SUPT3H: variants seen among roughly 807,000 people sequenced by gnomAD.
SUPT3H encodes SPT3 homolog, SAGA and STAGA complex component.
A neutral mutation model predicts 44.3 loss-of-function variants in SUPT3H; 44 were observed. That is an observed-to-expected ratio of 0.99 (90% CI 0.78 to 1.28). SUPT3H has a LOEUF of 1.28. Ranked by LOEUF, SUPT3H falls within the 50% of genes most tolerant of loss-of-function variation. SUPT3H has a pLI of 0.00. For synonymous variants in SUPT3H, 124 were observed against 125.6 expected (o/e 0.99, Z 0.09); for missense variants, 380 against 387.1 (o/e 0.98, Z 0.15).
At position 45,154,963 on chromosome 6, in the gene SUPT3H, C is replaced by T. The variant is rs557121558; in HGVS notation, c.102-48957G>A. ...ATATGGACAGTCAGTACATGACTTC[C>T]GTGGAGAAGGTAGTGTTTGATCTGC... On this transcript the variant is annotated intron_variant, in intron 2 of 10. Coordinates refer to ENST00000371459, the MANE Select transcript of SUPT3H (RefSeq NM_003599.4). Among the ~76,000 whole-genome samples the T allele has an allele frequency of 5.7e-4, 86 of 152,028 alleles. 3 individuals carry two copies. The highest frequency in any genetic ancestry group is 3.4e-3 in the Middle Eastern group (1 of 292).
chr6:45,369,301 T>C lies in SUPT3H; in HGVS notation c.1-4000A>G, dbSNP rs1411989799. Among the ~76,000 whole-genome samples, 3 of 152,094 alleles carry C rather than the reference T, an allele frequency of 2.0e-5. No individual in the cohort carries two copies. In the East Asian group the frequency reaches 5.8e-4, roughly 29 times the overall value. ...CAATACCTTTTGAAACAATACAGTA[T>C]CTCTCAACCTACCCAAACTCTACTG... On this transcript the variant is annotated intron_variant, in intron 1 of 10. Transcript: ENST00000371459.
At chr6:45,017,842 T>G (rs1295027304) in intron 4 of SUPT3H, among the ~76,000 whole-genome samples, 1 of 141,600 alleles carries the variant, frequency 7.1e-6, no homozygotes, top group Admixed American at 7.0e-5. Flanking sequence ...CTGTTTTGGT[T>G]CCATATGAAC....
chr6:44,987,632 C>A (rs1780001038), intron 6 of SUPT3H, among the ~76,000 whole-genome samples: 1 of 152,020 alleles, frequency 6.6e-6, no homozygotes, highest in Non-Finnish European at 1.5e-5. Flanking sequence ...GGAAATGTAA[C>A]CTCTTTTGAG....
At chr6:44,957,021 G>T (rs536365567) in intron 7 of SUPT3H, among the ~76,000 whole-genome samples, 1 of 152,258 alleles carries the variant, frequency 6.6e-6, no homozygotes, top group African/African-American at 2.4e-5. Flanking sequence ...GTGCTAAGCA[G>T]TCTAATTTGA....
intron 10 of SUPT3H, among the ~76,000 whole-genome samples, chr6:44,931,886 T>C (rs1582578959): frequency 1.3e-5 from 2 of 152,012 alleles, no homozygotes; most frequent in Non-Finnish European, 2.9e-5. Context: ...TTATGTATAA[T>C]GTTATACATA....
At chr6:45,228,175 A>G (rs1767278841) in intron 2 of SUPT3H, among the ~76,000 whole-genome samples, 1 of 152,170 alleles carries the variant, frequency 6.6e-6, no homozygotes, top group African/African-American at 2.4e-5. Context: ...ACAATGTTCA[A>G]TTTTATGTGT....
intron 4 of SUPT3H, among the ~76,000 whole-genome samples, chr6:45,016,542 G>A (rs1379752648): frequency 7.8e-6 from 1 of 127,980 alleles, no homozygotes; most frequent in Non-Finnish European, 1.6e-5. Flanking sequence ...CCCTTACTGT[G>A]TCCATGTGTT....
At chr6:44,885,706 C>A (rs1762146309) in intron 10 of SUPT3H, among the ~76,000 whole-genome samples, 1 of 152,156 alleles carries the variant, frequency 6.6e-6, no homozygotes, top group Non-Finnish European at 1.5e-5. Flanking sequence ...AAAAGCAGAG[C>A]ACCTCTCCTC....
intron 10 of SUPT3H, among the ~76,000 whole-genome samples, chr6:44,906,237 C>T (rs1412041730): frequency 7.2e-5 from 11 of 151,902 alleles, no homozygotes; most frequent in Admixed American, 1.3e-4. Context: ...GCTTTTTACT[C>T]GAGTGTTAAT....
rs368261053 is a variant in SUPT3H at position 45,281,566 on chromosome 6, G to A, written c.101+83635C>T. 1.6e-4 allele frequency among the ~76,000 whole-genome samples: 24 copies of A among 152,280 alleles called. No individual in the cohort carries two copies. In the East Asian group the frequency reaches 1.7e-3, roughly 11 times the overall value. On this transcript the variant is annotated intron_variant, in intron 2 of 10. Coordinates refer to ENST00000371459, the MANE Select transcript of SUPT3H (RefSeq NM_003599.4). ...GGGAGGGGCGCCCACCATTGCCGAC[G>A]CTTGAGTAGCTAAACAAAGCAGCCG...
At chr6:44,841,546 A>ATG (rs1234247697) in intron 10 of SUPT3H, among the ~76,000 whole-genome samples, 1 of 152,248 alleles carries the variant, frequency 6.6e-6, no homozygotes, top group Admixed American at 6.5e-5. Flanking sequence ...GCCTTCAATA[A>ATG]TGTGTTTAAA....
At chr6:44,869,669 G>T (rs370501673) in intron 10 of SUPT3H, among the ~76,000 whole-genome samples, 1 of 152,126 alleles carries the variant, frequency 6.6e-6, no homozygotes. Context: ...AACCTGCCCC[G>T]AATCCCTTGC....
intron 3 of SUPT3H, among the ~76,000 whole-genome samples, chr6:45,024,078 T>C (rs571604929): frequency 3.3e-5 from 5 of 152,314 alleles, no homozygotes; most frequent in Middle Eastern, 3.4e-3. Flanking sequence ...AGTTCAGTTA[T>C]AGCATTTCTG....
Position 44,978,708 on chromosome 6 carries a change from T to C in SUPT3H, c.505-16880A>G, listed in dbSNP as rs143808311. ...CTATTCGTTCTAAGTAATAGAATAA[T>C]AGTTATTCTATTGAGTAAGAAGCAA... On this transcript the variant is annotated intron_variant, in intron 6 of 10. Transcript: ENST00000371459. Among the ~76,000 whole-genome samples, 329 of 152,276 alleles carry C rather than the reference T, an allele frequency of 2.2e-3. 1 individual carries two copies. The highest frequency in any genetic ancestry group is 7.6e-3 in the African/African-American group (315 of 41,550).
chr6:45,203,333 G>T (rs753983501), intron 2 of SUPT3H, among the ~76,000 whole-genome samples: 1 of 151,908 alleles, frequency 6.6e-6, no homozygotes, highest in Non-Finnish European at 1.5e-5. Context: ...ACTTTCCTCT[G>T]CCCTACACTC....
At chr6:45,173,971 G>A (rs1811258221) in intron 2 of SUPT3H, among the ~76,000 whole-genome samples, 1 of 152,194 alleles carries the variant, frequency 6.6e-6, no homozygotes, top group African/African-American at 2.4e-5. Flanking sequence ...GCTGCCCAAA[G>A]AGTTACTGGA....
chr6:44,886,827 T>G (rs949303416), intron 10 of SUPT3H, among the ~76,000 whole-genome samples: 8 of 152,138 alleles, frequency 5.3e-5, no homozygotes, highest in Non-Finnish European at 7.3e-5. Context: ...ACTGGCAAAT[T>G]GGATAAAGAG....
intron 2 of SUPT3H, among the ~76,000 whole-genome samples, chr6:45,210,230 C>T (rs1236044903): frequency 6.6e-6 from 1 of 151,964 alleles, no homozygotes; most frequent in Non-Finnish European, 1.5e-5. Context: ...AATAAGACAG[C>T]TACAAAGATA....
Position 44,970,127 on chromosome 6 carries a change from C to A in SUPT3H, c.505-8299G>T, listed in dbSNP as rs573143546. On this transcript the variant is annotated intron_variant, in intron 6 of 10. Transcript: ENST00000371459. ...AATTAATGTCATCATAGGAGCTTTA[C>A]CTTTTTCATACATTTTAAACTATCA... is the stretch of plus-strand genomic sequence containing the variant. Among the ~76,000 whole-genome samples the A allele has an allele frequency of 3.9e-5, 6 of 152,104 alleles. 1 individual carries two copies. In the South Asian group the frequency reaches 1.2e-3, roughly 32 times the overall value.
Sources: gnomAD v4.1 joint callset for allele counts (sites outside exome capture counted in the v4.1 genomes callset) on GRCh38, gnomAD v4.1.1 for gene constraint, MANE v1.5 for transcripts, NCBI Gene and HGNC (gene_info 2026-07-23, HGNC 2026-07-21) for gene names.